The following NUP160 variants were observed in gnomAD, a reference collection of about 807,000 sequenced individuals.
The protein encoded by NUP160 is nuclear pore complex protein Nup160.
A neutral mutation model predicts 196.9 loss-of-function variants in NUP160; 94 were observed. That is an observed-to-expected ratio of 0.48 (90% confidence interval 0.40 to 0.57). The LOEUF is 0.57. NUP160 is among the 20% of genes least tolerant of loss of function. The pLI, the probability that NUP160 is intolerant of heterozygous loss-of-function variation, is 0.00. For missense variants in NUP160, 1,638 were observed against 1,748.3 expected (o/e 0.94, Z 1.13); for synonymous variants, 605 against 619.7 (o/e 0.98, Z 0.35).
At chr11:47,808,108 C>T (rs1308188679) in intron 18 of NUP160, among the ~76,000 whole-genome samples, 1 of 152,148 alleles carries the variant, frequency 6.6e-6, no homozygotes, top group Non-Finnish European at 1.5e-5. Context: ...CATGGTGAAA[C>T]CCCATCTCTA....
intron 23 of NUP160, 110 bp downstream of exon 23, chr11:47,801,701 C>A: frequency 9.6e-7 from 1 of 1,045,126 alleles, no homozygotes; most frequent in Non-Finnish European, 1.4e-6. Context: ...TTTGGAAGTT[C>A]AGGGAGCAAC....
intron 2 of NUP160, among the ~76,000 whole-genome samples, chr11:47,845,125 G>A (rs1261308049): frequency 6.6e-6 from 1 of 152,236 alleles, no homozygotes; most frequent in South Asian, 2.1e-4. Flanking sequence ...CTCTGTCTAT[G>A]GAGTAGCCAT....
At chr11:47,780,671 G>C (rs1391166960) in intron 34 of NUP160, among the ~76,000 whole-genome samples, 3 of 151,722 alleles carry the variant, frequency 2.0e-5, no homozygotes, top group Non-Finnish European at 4.4e-5. Context: ...TGAGTAGCTG[G>C]ACTACAGATG....
chr11:47,824,008 C>CATATATATAT (rs58246222), intron 7 of NUP160, among the ~76,000 whole-genome samples: 14 of 73,112 alleles, frequency 1.9e-4, no homozygotes, highest in East Asian at 1.7e-3. Flanking sequence ...AATTCTTTTG[C>CATATATATAT]ATATATATAT....
chr11:47,830,548 C>T (rs916912891), intron 7 of NUP160, among the ~76,000 whole-genome samples: 4 of 152,128 alleles, frequency 2.6e-5, no homozygotes, highest in Non-Finnish European at 5.9e-5. Flanking sequence ...GAGATCATGT[C>T]TTTTGTGGAA....
chr11:47,790,465 TG>T (rs2097667276), intron 29 of NUP160, among the ~76,000 whole-genome samples: 1 of 152,134 alleles, frequency 6.6e-6, no homozygotes, highest in Non-Finnish European at 1.5e-5. Context: ...TTCATCATGT[TG>T]GCCAGGCTGG....
At position 47,804,685 on chromosome 11, in the gene NUP160, A is replaced by G. The variant is rs1565194557; in HGVS notation, c.2607-67T>C. 2.8e-6 allele frequency: 3 copies of G among 1,075,026 alleles called. No individual in the cohort carries two copies. The East Asian group carries it at 8.5e-5, about 30-fold the overall frequency. The allele number at this position is 1,075,026 out of a possible 1,614,324, so 66.6% of individuals were successfully genotyped here. On this transcript the variant is annotated intron_variant, in intron 20 of 35. Coordinates refer to ENST00000378460, the Ensembl canonical transcript of NUP160. ...ATCTTAAACATATACATTGGGCATCAAATTCAGAAAAGTCCATAAAATAGC... is the reference window on the plus strand; with the variant it reads ...ATCTTAAACATATACATTGGGCATCGAATTCAGAAAAGTCCATAAAATAGC...
chr11:47,802,944 C>T (rs934601944), intron 22 of NUP160, among the ~76,000 whole-genome samples: 10 of 151,948 alleles, frequency 6.6e-5, no homozygotes, highest in African/African-American at 2.4e-4. Context: ...GTTGATTACA[C>T]CACTGCACTC....
At position 47,816,034 on chromosome 11, in the gene NUP160, C is replaced by T; in HGVS notation, c.1432-5G>A. 1.2e-6 allele frequency: 2 copies of T among 1,602,064 alleles called. No individual in the cohort carries two copies. The highest frequency in any genetic ancestry group is 1.7e-6 in the Non-Finnish European group (2 of 1,169,258). ...CTCAGTTCCTCGGCAGAAAATCTAA[C>T]ATTAAAAGACATTTTAGACTTCTAT... On this transcript the variant is annotated splice_region_variant and splice_polypyrimidine_tract_variant and intron_variant, in intron 11 of 35. Coordinates refer to ENST00000378460, the Ensembl canonical transcript of NUP160.
At chr11:47,838,291 G>T (rs1426364754) in intron 4 of NUP160, among the ~76,000 whole-genome samples, 1 of 152,184 alleles carries the variant, frequency 6.6e-6, no homozygotes, top group Non-Finnish European at 1.5e-5. Flanking sequence ...ATTACAAGAA[G>T]GCATGTGGCT....
intron 27 of NUP160, among the ~76,000 whole-genome samples, chr11:47,795,491 A>G (rs2097670367): frequency 6.6e-6 from 1 of 152,236 alleles, no homozygotes; most frequent in African/African-American, 2.4e-5. Flanking sequence ...GAACCTGCCT[A>G]TGAATAAACC....
intron 7 of NUP160, among the ~76,000 whole-genome samples, chr11:47,831,134 G>A (rs1000081862): frequency 6.6e-6 from 1 of 152,040 alleles, no homozygotes; most frequent in Admixed American, 6.6e-5. Context: ...CTGCACTCCA[G>A]CCTGGGCAAC....
intron 29 of NUP160, among the ~76,000 whole-genome samples, chr11:47,789,182 A>C (rs138596113): frequency 0.013 from 2,030 of 152,062 alleles, 13 homozygotes; most frequent in Non-Finnish European, 0.022. Context: ...CAGCCTAAAA[A>C]ATTTTTTTTC....
intron 34 of NUP160, 70 bp downstream of exon 34, chr11:47,783,003 C>G: frequency 7.6e-7 from 1 of 1,320,166 alleles, no homozygotes; most frequent in Admixed American, 1.8e-5. Flanking sequence ...TCATCACTTT[C>G]AAACCACTGT....
Position 47,848,352 on chromosome 11 carries a change from A to G in NUP160, c.69T>C (p.Leu23=). The G allele has an allele frequency of 1.2e-6, 2 of 1,612,564 alleles. No homozygotes were observed. Among genetic ancestry groups the G allele is most frequent in the Non-Finnish European group, 1.7e-6 (2 of 1,179,368 alleles). Reference sequence around the variant, plus strand: ...CGTCGCCGCGACGCCCAACGGAACAAAGGCAGGGCCGCGCGGTCGCCGTCA... The same window carrying G: ...CGTCGCCGCGACGCCCAACGGAACAGAGGCAGGGCCGCGCGGTCGCCGTCA... The change falls in exon 1 of 36, where the codon CTT becomes CTC. Residue 23 remains leucine (L), a synonymous_variant. Transcript: ENST00000378460.
intron 29 of NUP160, among the ~76,000 whole-genome samples, chr11:47,791,395 A>AGT (rs939818708): frequency 6.6e-6 from 1 of 152,190 alleles, no homozygotes; most frequent in Non-Finnish European, 1.5e-5. Flanking sequence ...GCTGGAGTGC[A>AGT]GTGGCACGAT....
intron 32 of NUP160, 38 bp from the exon 33 acceptor site, chr11:47,785,101 C>CATTTTTTTTTTTTT: frequency 4.5e-6 from 5 of 1,107,982 alleles, no homozygotes; most frequent in African/African-American, 1.5e-5. Flanking sequence ...GTTTCAGATT[C>CATTTTTTTTTTTTT]TTAATAGCTA....
intron 22 of NUP160, among the ~76,000 whole-genome samples, chr11:47,802,444 AAAAG>A (rs905744957): frequency 6.6e-6 from 1 of 152,152 alleles, no homozygotes; most frequent in African/African-American, 2.4e-5. Flanking sequence ...CTCCAAAAAA[AAAAG>A]AAAGTAAACC....
At chr11:47,780,378 G>C in exon 35 of NUP160, 8 of 1,613,724 alleles carry the variant, frequency 5.0e-6, no homozygotes, top group Non-Finnish European at 6.8e-6. Context: ...TTCTCTCCCA[G>C]AGCTTGGAGA....
Sources: allele counts gnomAD v4.1 joint callset (sites outside exome capture counted in the v4.1 genomes callset), GRCh38; gene constraint gnomAD v4.1.1; transcripts MANE v1.5; gene names NCBI Gene and HGNC (gene_info 2026-07-23, HGNC 2026-07-21).